Variants in C16orf96 observed in about 807,000 individuals in gnomAD.
C16orf96 encodes chromosome 16 open reading frame 96.
A neutral mutation model predicts 103.6 loss-of-function variants in C16orf96; 108 were observed. The observed-to-expected ratio is 1.04, with a 90% CI of 0.89 to 1.22. C16orf96 has a LOEUF of 1.22. C16orf96 is among the 50% of genes most tolerant of loss of function. The pLI is 0.00. For synonymous variants in C16orf96, 566 were observed against 593.5 expected, an observed-to-expected ratio of 0.95 and a Z score of 0.67; for missense variants, 1,586 against 1,464.2, an observed-to-expected ratio of 1.08 and a Z score of -1.36.
At chr16:4,579,584 C>T (rs1279432356) in intron 6 of C16orf96, among the ~76,000 whole-genome samples, 1 of 136,224 alleles carries the variant, frequency 7.3e-6, no homozygotes, top group Non-Finnish European at 1.6e-5. Context: ...AAAAAAATGG[C>T]AGGTGGAAGG....
chr16:4,574,560 G>C (rs2059477517), intron 2 of C16orf96, 149 bp from the exon 3 acceptor site: 1 of 645,838 alleles, frequency 1.5e-6, no homozygotes, highest in Non-Finnish European at 2.7e-6. Flanking sequence ...AAACTTGTTT[G>C]CCCATGGAAC....
At chr16:4,573,458 AGG>A (rs1187141492) in intron 2 of C16orf96, among the ~76,000 whole-genome samples, 1 of 98,674 alleles carries the variant, frequency 1.0e-5, no homozygotes, top group African/African-American at 3.1e-5. Context: ...AAAAAAAAAA[AGG>A]TGGGGTCGGT....
chr16:4,593,377 G>A lies in C16orf96; in HGVS notation c.2867+61G>A. 5.5e-6 allele frequency: 8 copies of A among 1,457,106 alleles called. No individual in the cohort carries two copies. Among genetic ancestry groups the A allele is most frequent in the Non-Finnish European group, 7.5e-6 (8 of 1,069,072 alleles). The allele number at this position is 1,457,106 out of a possible 1,614,324, so 90.3% of individuals were successfully genotyped here. On this transcript the variant is annotated intron_variant, in intron 12 of 15. Transcript: ENST00000444310. The surrounding 1 kb of genome is among the most constrained non-coding windows in gnomAD (Gnocchi z 4.2). ...CGCATGGAGGCCACTCTGGAGCCTG[G>A]GAACCCTGTTCCTGCAGAGACACAT...
chr16:4,592,376 C>T lies in C16orf96; in HGVS notation c.2774+9C>T. On this transcript the variant is annotated intron_variant, in intron 11 of 15. Coordinates refer to ENST00000444310, the MANE Select transcript of C16orf96 (RefSeq NM_001145011.2). ...GAGATGATGACTGGCCCGTGAGTAC[C>T]ACCGCCCAGGGTGCCCCGGCCCTAA... is the stretch of plus-strand genomic sequence containing the variant. 1 of 1,551,540 alleles carries T rather than the reference C, an allele frequency of 6.4e-7. No homozygotes were observed. The highest frequency in any genetic ancestry group is 8.7e-7 in the Non-Finnish European group (1 of 1,146,984).
In C16orf96 at chr16:4,593,684, C is replaced by T. The variant is rs1412161097; in HGVS notation, c.2867+368C>T. Among the ~76,000 whole-genome samples, 3 of 152,118 alleles carry T rather than the reference C, an allele frequency of 2.0e-5. No homozygotes were observed. The highest frequency in any genetic ancestry group is 4.8e-5 in the African/African-American group (2 of 41,426). Reference sequence around the variant, plus strand: ...ACCCTCAGGGAGCCGCTGCTGTGCCCGGCAGGCACTGTGCCAAGCGCTGGG... The same window carrying T: ...ACCCTCAGGGAGCCGCTGCTGTGCCTGGCAGGCACTGTGCCAAGCGCTGGG... On this transcript the variant is annotated intron_variant, in intron 12 of 15. Transcript: ENST00000444310. The surrounding 1 kb of genome is among the most constrained non-coding windows in gnomAD (Gnocchi z 4.2).
At chr16:4,588,453 TA>T in intron 9 of C16orf96, 122 bp downstream of exon 9, 5 of 1,139,836 alleles carry the variant, frequency 4.4e-6, no homozygotes, top group South Asian at 1.6e-5. Context: ...CCCAGCAACT[TA>T]GCTGGGTGGC....
At chr16:4,587,819 C>A (rs772810738) in intron 8 of C16orf96, among the ~76,000 whole-genome samples, 9 of 151,864 alleles carry the variant, frequency 5.9e-5, no homozygotes, top group Non-Finnish European at 1.2e-4. Flanking sequence ...GCCTGTAGTC[C>A]CAGCCACTCA....
rs756997976 is a variant in C16orf96 at position 4,556,865 on chromosome 16, A to G, written c.376A>G (p.Lys126Glu). The change falls in exon 1 of 16, where the codon AAG becomes GAG. Residue 126 changes from lysine (K) to glutamate (E), a missense_variant. Transcript: ENST00000444310. ...RPVQDLWHLIKLRKMVEGHDE... is the reference protein window; with the variant it reads ...RPVQDLWHLIELRKMVEGHDE... ...CGTCCAGGACCTGTGGCATCTGATC[A>G]AGCTCCGGAAGATGGTGGAGGGTCA... 1.5e-5 allele frequency: 24 copies of G among 1,550,294 alleles called. 1 individual carries two copies. In the South Asian group the frequency reaches 2.6e-4, roughly 17 times the overall value.
At chr16:4,591,003 G>A (rs1279091239) in intron 9 of C16orf96, among the ~76,000 whole-genome samples, 1 of 151,894 alleles carries the variant, frequency 6.6e-6, no homozygotes, top group Non-Finnish European at 1.5e-5. Context: ...CTGTACTCCA[G>A]CCAGGGCAAC....
At chr16:4,542,502 A>G in the C16orf96 span, among the ~76,000 whole-genome samples, 657 of 152,354 alleles carry the variant, frequency 4.3e-3, 4 homozygotes, top group Non-Finnish European at 6.7e-3. Flanking sequence ...AGTAATCAAC[A>G]TAAAAAATTA....
the C16orf96 span, among the ~76,000 whole-genome samples, chr16:4,545,429 C>G: frequency 2.0e-5 from 3 of 152,128 alleles, no homozygotes; most frequent in Admixed American, 1.3e-4. Context: ...TGAGCTCAAG[C>G]GATCCTTGTG....
chr16:4,589,302 G>A (rs1028624583), intron 9 of C16orf96, among the ~76,000 whole-genome samples: 3 of 152,108 alleles, frequency 2.0e-5, no homozygotes, highest in Middle Eastern at 3.4e-3. Flanking sequence ...ATTGCAGCCA[G>A]TTGTGGTGGC....
intron 1 of C16orf96, among the ~76,000 whole-genome samples, chr16:4,567,384 C>T (rs1210275653): frequency 1.3e-5 from 2 of 148,432 alleles, no homozygotes; most frequent in African/African-American, 5.0e-5. Flanking sequence ...CCTGGGTTCA[C>T]GCCATTCTCC....
At chr16:4,547,680 C>CTTG in the C16orf96 span, among the ~76,000 whole-genome samples, 1 of 43,044 alleles carries the variant, frequency 2.3e-5, no homozygotes, top group African/African-American at 6.4e-5. Context: ...TTGCTTCCTT[C>CTTG]CTTCCTTCCT....
Position 4,590,553 on chromosome 16 carries a change from C to CT in C16orf96, c.2593-1112dup, listed in dbSNP as rs1036890980. On this transcript the variant is annotated intron_variant, in intron 9 of 15. Coordinates refer to ENST00000444310, the MANE Select transcript of C16orf96 (RefSeq NM_001145011.2). Reference sequence around the variant, plus strand: ...CAGCCTGGGCAACAGAAGTGAAACTCTGTCTCAAAAATAAATAAATAAATA... The same window carrying CT: ...CAGCCTGGGCAACAGAAGTGAAACTCTTGTCTCAAAAATAAATAAATAAATA... Among the ~76,000 whole-genome samples, 150 of 150,462 alleles carry CT rather than the reference C, an allele frequency of 1.0e-3. 1 individual carries two copies. Among genetic ancestry groups the CT allele is most frequent in the Admixed American group, 9.2e-3 (137 of 14,934 alleles).
chr16:4,596,174 T>C (rs1366669870), intron 14 of C16orf96, among the ~76,000 whole-genome samples: 1 of 152,122 alleles, frequency 6.6e-6, no homozygotes, highest in Admixed American at 6.5e-5. Flanking sequence ...AGTTCCTTCA[T>C]TCCCCGGCCC....
chr16:4,563,038 A>ATCTTCT (rs2059348773), intron 1 of C16orf96: 1 of 906,634 alleles, frequency 1.1e-6, no homozygotes, highest in Non-Finnish European at 1.8e-6. Context: ...CTCCTCTGTC[A>ATCTTCT]GAAGATGACA....
intron 5 of C16orf96, among the ~76,000 whole-genome samples, chr16:4,577,445 C>T (rs370103090): frequency 2.7e-5 from 4 of 149,930 alleles, no homozygotes; most frequent in Non-Finnish European, 4.4e-5. Flanking sequence ...CAGGCAGATA[C>T]GGAGACCATC....
In C16orf96 at chr16:4,575,822, G is replaced by A. The variant is rs541386635; in HGVS notation, c.1342G>A (p.Ala448Thr). ...GCCATATCAGTCTCGCCAGGGAGAA[G>A]CCCTCCAGCTCGCAGCTGTCCAAGT... ...LQPYQSRQGE[A>T]LQLAAVQVKG... The change falls in exon 5 of 16, where the codon GCC (alanine) becomes ACC (threonine). Residue 448 changes from alanine (A) to threonine (T), a missense_variant. Ala to Thr is a moderately conservative substitution (Grantham distance 58). Coordinates refer to ENST00000444310, the MANE Select transcript of C16orf96 (RefSeq NM_001145011.2). 1.9e-6 allele frequency: 3 copies of A among 1,551,274 alleles called. No homozygotes were observed. The highest frequency in any genetic ancestry group is 2.4e-5 in the South Asian group (2 of 84,066).
Sources: gnomAD v4.1 joint callset for allele counts (sites outside exome capture counted in the v4.1 genomes callset) on GRCh38, gnomAD v4.1.1 for gene constraint, Gnocchi (gnomAD v3.1) non-coding constraint, MANE v1.5 for transcripts, NCBI Gene and HGNC (gene_info 2026-07-23, HGNC 2026-07-21) for gene names.